The following CAPN9 variants were observed in gnomAD, a reference collection of about 807,000 sequenced individuals.
The protein encoded by CAPN9 is calpain-9.
A neutral mutation model predicts 92.8 loss-of-function variants in CAPN9; 81 were observed. The ratio of observed to expected loss-of-function variants is 0.87; its 90% CI spans 0.73 to 1.05. The LOEUF is 1.05. Among genes scored for constraint, CAPN9 ranks in the 50% least tolerant of loss-of-function variants. The probability of loss-of-function intolerance (pLI) is 0.00; values close to 1 mark genes in which losing one functional copy is unlikely to be tolerated. For missense variants in CAPN9, 848 were observed against 866.2 expected (o/e 0.98, Z 0.26); for synonymous variants, 304 against 328.0 (o/e 0.93, Z 0.79).
In CAPN9 at chr1:230,779,021, CA is replaced by C. The variant is rs1558104522; in HGVS notation, c.1004del (p.Asn335ThrfsTer17). The C allele has an allele frequency of 1.1e-5, 18 of 1,613,226 alleles. No homozygotes were observed. Among genetic ancestry groups the C allele is most frequent in the Non-Finnish European group, 1.5e-5 (18 of 1,179,672 alleles). ...KAHFDKVEIC[N>X]LTPDALEEDA... ...CCCACTTTGATAAAGTGGAGATCTGCAACCTCACTCCCGATGCCCTGGAGGA... is the reference window on the plus strand; with the variant it reads ...CCCACTTTGATAAAGTGGAGATCTGCACCTCACTCCCGATGCCCTGGAGGA... On this transcript the variant is annotated frameshift_variant, in exon 9 of 20. Coordinates refer to ENST00000271971, the MANE Select transcript of CAPN9 (RefSeq NM_006615.3). LOFTEE classifies it high-confidence loss of function.
intron 1 of CAPN9, among the ~76,000 whole-genome samples, chr1:230,751,635 GA>G (rs1227965507): frequency 1.1e-5 from 1 of 93,594 alleles, no homozygotes; most frequent in African/African-American, 5.2e-5. Flanking sequence ...AAGAAAGAAA[GA>G]AAGAAAGAAA....
intron 1 of CAPN9, among the ~76,000 whole-genome samples, chr1:230,754,422 T>C (rs375673410): frequency 4.3e-5 from 6 of 140,994 alleles, no homozygotes; most frequent in African/African-American, 1.3e-4. Context: ...ATATATATAA[T>C]GCACTTCGGT....
intron 19 of CAPN9, among the ~76,000 whole-genome samples, chr1:230,798,622 C>G (rs1309415007): frequency 6.6e-6 from 1 of 152,146 alleles, no homozygotes; most frequent in Non-Finnish European, 1.5e-5. Context: ...CATGACACTC[C>G]CCCAGACTCC....
At chr1:230,778,832 C>T in intron 8 of CAPN9, 141 bp from the exon 9 acceptor site, 1 of 710,006 alleles carries the variant, frequency 1.4e-6, no homozygotes, top group Non-Finnish European at 2.2e-6. Flanking sequence ...TTTCCATCTC[C>T]CCACACTTTG....
chr1:230,774,743 T>C (rs201731444), intron 8 of CAPN9, 112 bp downstream of exon 8: 215 of 445,332 alleles, frequency 4.8e-4, no homozygotes, highest in Middle Eastern at 1.9e-3. Context: ...TTCTTTCTTT[T>C]TTTTTTTTTT....
In CAPN9 at chr1:230,767,490, T is replaced by A; in HGVS notation, c.537-51T>A. The A allele has an allele frequency of 2.7e-6, 4 of 1,469,156 alleles. 1 individual carries two copies. Among genetic ancestry groups the A allele is most frequent in the East Asian group, 4.7e-5 (2 of 42,304 alleles). 91.0% of individuals were successfully genotyped at this position (1,469,156 alleles called of 1,614,324 possible). On this transcript the variant is annotated intron_variant, in intron 4 of 19. Transcript: ENST00000271971. ...AAGCTCTGAAAGCAGGGTGCCCCAG[T>A]GGCCTCCCTAGGTCCCTGACTCTCT...
At chr1:230,768,694 A>G (rs566645010) in intron 5 of CAPN9, among the ~76,000 whole-genome samples, 4 of 152,212 alleles carry the variant, frequency 2.6e-5, no homozygotes, top group East Asian at 1.9e-4. Flanking sequence ...ATGGACTGCT[A>G]TGACACTATG....
chr1:230,790,516 T>C (rs1173226896), intron 14 of CAPN9, among the ~76,000 whole-genome samples: 1 of 152,120 alleles, frequency 6.6e-6, no homozygotes, highest in Non-Finnish European at 1.5e-5. Context: ...TGTTAGAATG[T>C]TTCATCACTC....
chr1:230,769,065 G>T, intron 5 of CAPN9, 115 bp from the exon 6 acceptor site: 1 of 793,424 alleles, frequency 1.3e-6, no homozygotes, highest in East Asian at 2.5e-5. Context: ...GCCTGCACCT[G>T]GGGCAGCAGA....
intron 2 of CAPN9, 101 bp downstream of exon 2, chr1:230,755,507 C>T: frequency 1.2e-6 from 1 of 825,700 alleles, no homozygotes; most frequent in Non-Finnish European, 1.9e-6. Flanking sequence ...AGGCACGGGG[C>T]TGGGGGAACA....
intron 14 of CAPN9, among the ~76,000 whole-genome samples, chr1:230,791,046 G>C (rs1454208468): frequency 1.3e-5 from 2 of 152,192 alleles, no homozygotes; most frequent in Non-Finnish European, 2.9e-5. Flanking sequence ...GCTGTAGCAT[G>C]TATCAATGTC....
At chr1:230,799,640 T>C (rs1032313441) in intron 19 of CAPN9, among the ~76,000 whole-genome samples, 4 of 152,228 alleles carry the variant, frequency 2.6e-5, no homozygotes, top group Non-Finnish European at 5.9e-5. Context: ...TAGTTTTGTC[T>C]TTCAACTTCA....
At chr1:230,788,892 C>T (rs148169338) in intron 13 of CAPN9, among the ~76,000 whole-genome samples, 198 of 152,296 alleles carry the variant, frequency 1.3e-3, no homozygotes, top group Non-Finnish European at 2.1e-3. Flanking sequence ...GGAAGGGAAG[C>T]GGTGAATGTT....
At chr1:230,786,311 C>G in intron 12 of CAPN9, 1 of 266,854 alleles carries the variant, frequency 3.7e-6, no homozygotes, top group Non-Finnish European at 5.8e-6. Context: ...GAGACACTCT[C>G]TAAAAGAAAA....
intron 2 of CAPN9, among the ~76,000 whole-genome samples, chr1:230,758,307 C>A (rs559236274): frequency 6.6e-6 from 1 of 152,180 alleles, no homozygotes; most frequent in African/African-American, 2.4e-5. Context: ...CCAAGTCTCT[C>A]CTTATCTTTG....
intron 14 of CAPN9, among the ~76,000 whole-genome samples, chr1:230,791,446 C>A (rs541192134): frequency 2.0e-5 from 3 of 152,256 alleles, no homozygotes; most frequent in South Asian, 4.1e-4. Context: ...AATTTAAATC[C>A]TGCCATTAAA....
chr1:230,752,824 G>T lies in CAPN9; in HGVS notation c.214-2513G>T, dbSNP rs149059401. On this transcript the variant is annotated intron_variant, in intron 1 of 19. Coordinates refer to ENST00000271971, the MANE Select transcript of CAPN9 (RefSeq NM_006615.3). ...TTGGGGGACTCCTGGGTTTCCCTTC[G>T]GGCAGGCACATTCTGCAGCAAGCCC... is the stretch of plus-strand genomic sequence containing the variant. The T allele has an allele frequency of 1.2e-4, 48 of 389,754 alleles. No homozygotes were observed. In the East Asian group the frequency reaches 4.2e-3, roughly 34 times the overall value. 24.1% of individuals were successfully genotyped at this position (389,754 alleles called of 1,614,324 possible). A position where few individuals can be genotyped will look rare whatever the true frequency, so the allele number is the denominator to read the frequency against.
intron 2 of CAPN9, among the ~76,000 whole-genome samples, chr1:230,757,291 C>T (rs867197066): frequency 5.9e-5 from 9 of 152,070 alleles, no homozygotes; most frequent in South Asian, 2.1e-4. Flanking sequence ...TCCTCCCTGC[C>T]GCTGCCCACC....
chr1:230,800,241 AG>A (rs1553266775), intron 19 of CAPN9, among the ~76,000 whole-genome samples: 2 of 85,446 alleles, frequency 2.3e-5, no homozygotes, highest in East Asian at 5.6e-4. Flanking sequence ...GAAGAAAGAA[AG>A]AAAGAAAGAA....
Sources: allele counts gnomAD v4.1 joint callset (sites outside exome capture counted in the v4.1 genomes callset), GRCh38; gene constraint gnomAD v4.1.1; transcripts MANE v1.5; gene names NCBI Gene and HGNC (gene_info 2026-07-23, HGNC 2026-07-21).